RBL2: variants seen among roughly 807,000 people sequenced by gnomAD.
The protein encoded by RBL2 is RB transcriptional corepressor like 2.
A neutral mutation model predicts 126.0 loss-of-function variants in RBL2; 56 were observed. The ratio of observed to expected loss-of-function variants is 0.44; its 90% confidence interval spans 0.36 to 0.56. The LOEUF is 0.56. Among genes scored for constraint, RBL2 ranks in the 20% least tolerant of loss-of-function variants. The probability of loss-of-function intolerance (pLI) is 0.00; values close to 1 mark genes in which losing one functional copy is unlikely to be tolerated. For missense variants in RBL2, 1,229 were observed against 1,398.2 expected, an observed-to-expected ratio of 0.88 and a Z score of 1.93; for synonymous variants, 454 against 478.5, an observed-to-expected ratio of 0.95 and a Z score of 0.67.
At position 53,434,506 on chromosome 16, in the gene RBL2, G is replaced by C; in HGVS notation, c.-51G>C. On this transcript the variant is annotated 5_prime_UTR_variant, in exon 1 of 22. Coordinates refer to ENST00000262133, the MANE Select transcript of RBL2 (RefSeq NM_005611.4). ...CGGGCGCTTCGCCGTTTGAATGGCT[G>C]CGGGCCCGGGCCCTCACCTCACCTG... The C allele has an allele frequency of 7.4e-7, 1 of 1,349,116 alleles. No homozygotes were observed. Among genetic ancestry groups the C allele is most frequent in the Non-Finnish European group, 9.5e-7 (1 of 1,055,170 alleles). 83.6% of individuals were successfully genotyped at this position (1,349,116 alleles called of 1,614,324 possible).
intron 17 of RBL2, chr16:53,478,847 C>T (rs563601036): frequency 1.2e-5 from 3 of 248,982 alleles, no homozygotes; most frequent in Non-Finnish European, 2.3e-5. Context: ...GTCTTGAACT[C>T]GTGACTTCAA....
chr16:53,487,635 T>C (rs911466739), intron 21 of RBL2: 2 of 152,184 alleles, frequency 1.3e-5, no homozygotes, highest in African/African-American at 4.8e-5. Context: ...TGGGAAAATT[T>C]TATATACAAC....
At chr16:53,488,191 T>G (rs970295662) in intron 21 of RBL2, 33 of 152,182 alleles carry the variant, frequency 2.2e-4, no homozygotes, top group African/African-American at 7.7e-4. Flanking sequence ...AAATAAGCTG[T>G]GGTGCATCCA....
In RBL2 at chr16:53,462,635, CTA is replaced by C; in HGVS notation, c.1541_1542del (p.Leu514ArgfsTer24). The C allele has an allele frequency of 6.4e-7, 1 of 1,555,732 alleles. No homozygotes were observed. Among genetic ancestry groups the C allele is most frequent in the Non-Finnish European group, 8.7e-7 (1 of 1,152,150 alleles). ...TGTTATTGAGCAGGAACAAAAAAGA[CTA>C]GGAGACATGGATTTATCTGTGAGTA... ...ESVIEQEQKR[L>X]GDMDLSGILE... On this transcript the variant is annotated frameshift_variant, in exon 11 of 22. Coordinates refer to ENST00000262133, the MANE Select transcript of RBL2 (RefSeq NM_005611.4). LOFTEE classifies it high-confidence loss of function.
chr16:53,480,032 C>T, intron 19 of RBL2, 41 bp downstream of exon 19: 3 of 1,367,290 alleles, frequency 2.2e-6, no homozygotes, highest in South Asian at 1.3e-5. Flanking sequence ...AAATTAGGAG[C>T]TTTTCTTACT....
intron 2 of RBL2, 78 bp from the exon 3 acceptor site, chr16:53,442,580 A>G: frequency 9.4e-7 from 1 of 1,062,504 alleles, no homozygotes; most frequent in Non-Finnish European, 1.4e-6. Flanking sequence ...GATAATATTG[A>G]TTTACTTTTG....
In RBL2 at chr16:53,439,092, C is replaced by T. The variant is rs2057987576; in HGVS notation, c.317C>T (p.Thr106Ile). Residue 106 changes from threonine (T) to isoleucine (I), a missense_variant, in exon 2 of 22, where the codon ACA becomes ATA. Coordinates refer to ENST00000262133, the MANE Select transcript of RBL2 (RefSeq NM_005611.4). ...TCTGTTCCAACTGTAAGCAAAGGGA[C>T]AGTGGAAGGAAACTATGTATCTTTA... is the stretch of plus-strand genomic sequence containing the variant. ...RKSVPTVSKG[T>I]VEGNYVSLTR... 5 of 1,608,316 alleles carry T rather than the reference C, an allele frequency of 3.1e-6. No homozygotes were observed. The highest frequency in any genetic ancestry group is 2.7e-5 in the African/African-American group (2 of 74,662).
rs140833638 is a variant in RBL2 at position 53,446,249 on chromosome 16, C to T, written c.573-793C>T. Among the ~76,000 whole-genome samples, 187 of 152,276 alleles carry T rather than the reference C, an allele frequency of 1.2e-3. No individual in the cohort carries two copies. The Middle Eastern group carries it at 0.017, about 14-fold the overall frequency. On this transcript the variant is annotated intron_variant, in intron 3 of 21. Coordinates refer to ENST00000262133, the MANE Select transcript of RBL2 (RefSeq NM_005611.4). ...TAAAAGCAGAACACTGACATTTAAT[C>T]CTTGCCATGGACTGGTGAACTAAGT...
At chr16:53,460,206 A>G (rs538555029) in intron 9 of RBL2, among the ~76,000 whole-genome samples, 1 of 152,360 alleles carries the variant, frequency 6.6e-6, no homozygotes, top group African/African-American at 2.4e-5. Flanking sequence ...CATCTTATGC[A>G]TAACCTTTGG....
intron 4 of RBL2, chr16:53,449,028 C>CTT (rs1192688469): frequency 1.3e-5 from 2 of 152,192 alleles, no homozygotes; most frequent in Non-Finnish European, 2.9e-5. Flanking sequence ...AGAGAAAAAT[C>CTT]TTTCTTTTGT....
intron 8 of RBL2, among the ~76,000 whole-genome samples, chr16:53,458,621 G>A (rs1423740199): frequency 6.6e-6 from 1 of 152,110 alleles, no homozygotes. Context: ...TCATTTTAAC[G>A]CTGCTGATAA....
Position 53,470,069 on chromosome 16 carries a change from A to G in RBL2, c.2129A>G (p.Gln710Arg). ...PQPLVNAVPV[Q>R]NVSGETVSVT... ...CCCCTAGTCAATGCTGTCCCTGTGC[A>G]GAATGTATCTGGGGAGACTGTTTCT... is the stretch of plus-strand genomic sequence containing the variant. The change falls in exon 15 of 22, where the codon CAG becomes CGG. Residue 710 changes from glutamine (Q) to arginine (R), a missense_variant. By Grantham distance (43) the Gln-to-Arg change is conservative. Transcript: ENST00000262133. 2 of 1,614,240 alleles carry G rather than the reference A, an allele frequency of 1.2e-6. No individual in the cohort carries two copies. The highest frequency in any genetic ancestry group is 1.1e-5 in the South Asian group (1 of 91,090).
chr16:53,453,533 A>T lies in RBL2; in HGVS notation c.848A>T (p.His283Leu). The change falls in exon 6 of 22, where the codon CAT becomes CTT. Residue 283 changes from histidine to leucine, a missense_variant. His to Leu is a moderately conservative substitution (Grantham distance 99, BLOSUM62 -3). Transcript: ENST00000262133. ...PCIIEKLCSL[H>L]DGLVLEAKGI... ...ATCATTGAGAAACTGTGTTCCTTAC[A>T]TGATGGCCTAGTTTTGGAAGCAAAG... The T allele has an allele frequency of 6.2e-7, 1 of 1,613,422 alleles. No individual in the cohort carries two copies. The highest frequency in any genetic ancestry group is 8.5e-7 in the Non-Finnish European group (1 of 1,179,472).
chr16:53,470,322 C>A, intron 15 of RBL2, 61 bp from the exon 16 acceptor site: 1 of 1,577,600 alleles, frequency 6.3e-7, no homozygotes, highest in Non-Finnish European at 8.6e-7. Flanking sequence ...AATTGTAAAC[C>A]TCTGCCCGGA....
intron 4 of RBL2, among the ~76,000 whole-genome samples, chr16:53,450,189 T>TAAAGGCAAAG (rs1407079605): frequency 3.2e-4 from 48 of 152,330 alleles, no homozygotes; most frequent in Middle Eastern, 3.4e-3. Flanking sequence ...TTTGCCTCTT[T>TAAAGGCAAAG]GGCAGAGAAG....
In RBL2 at chr16:53,467,106, G is replaced by A. The variant is rs567719347; in HGVS notation, c.1912G>A (p.Gly638Ser). The A allele has an allele frequency of 1.2e-6, 2 of 1,614,056 alleles. No individual in the cohort carries two copies. The highest frequency in any genetic ancestry group is 1.3e-5 in the African/African-American group (1 of 75,024). Residue 638 changes from glycine (G) to serine (S), a missense_variant, in exon 14 of 22, where the codon GGC becomes AGC. Gly to Ser is a moderately conservative substitution (Grantham distance 56, BLOSUM62 0). Coordinates refer to ENST00000262133, the MANE Select transcript of RBL2 (RefSeq NM_005611.4). ...LERADEICIA[G>S]SPLTPRRVTE... ...AAGGGCAGATGAAATTTGCATTGCTGGCTCCCCTTTGACTCCCAGAAGGGT... is the reference window on the plus strand; with the variant it reads ...AAGGGCAGATGAAATTTGCATTGCTAGCTCCCCTTTGACTCCCAGAAGGGT...
chr16:53,480,521 A>G (rs911765214), intron 19 of RBL2, 46 bp from the exon 20 acceptor site: 1 of 1,524,766 alleles, frequency 6.6e-7, no homozygotes, highest in Non-Finnish European at 8.9e-7. Context: ...AAAACAGTCA[A>G]TATTAGCAGC....
intron 17 of RBL2, among the ~76,000 whole-genome samples, chr16:53,474,346 C>T (rs774256639): frequency 2.7e-4 from 41 of 150,082 alleles, no homozygotes; most frequent in Admixed American, 5.3e-4. Context: ...GATGGAATTT[C>T]GCTCTTGTTG....
intron 3 of RBL2, among the ~76,000 whole-genome samples, chr16:53,445,105 T>A (rs2058049593): frequency 6.6e-6 from 1 of 152,114 alleles, no homozygotes. Flanking sequence ...AGTGGACAGA[T>A]CACTTGAGCC....
Sources: gnomAD v4.1 joint callset for allele counts (sites outside exome capture counted in the v4.1 genomes callset) on GRCh38, gnomAD v4.1.1 for gene constraint, MANE v1.5 for transcripts, NCBI Gene and HGNC (gene_info 2026-07-23, HGNC 2026-07-21) for gene names.